The following EPCIP variants were observed in gnomAD, a reference collection of about 807,000 sequenced individuals.
EPCIP encodes exosomal polycystin-1-interacting protein.
the EPCIP span, among the ~76,000 whole-genome samples, chr21:32,800,219 G>A: frequency 3.9e-5 from 6 of 152,156 alleles, no homozygotes; most frequent in Non-Finnish European, 5.9e-5. Context: ...AACAGAACTA[G>A]TCAAGTTTGA....
chr21:32,794,221 C>T, the EPCIP span: 3 of 1,614,270 alleles, frequency 1.9e-6, no homozygotes, highest in African/African-American at 1.3e-5. Flanking sequence ...CTGCAAGGGG[C>T]AGGACGGTTT....
chr21:32,796,579 T>C, the EPCIP span, among the ~76,000 whole-genome samples: 1 of 152,198 alleles, frequency 6.6e-6, no homozygotes, highest in Non-Finnish European at 1.5e-5. Flanking sequence ...TCTTATTAAA[T>C]GTATTAATAG....
At chr21:32,796,313 C>G in the EPCIP span, among the ~76,000 whole-genome samples, 2 of 152,174 alleles carry the variant, frequency 1.3e-5, no homozygotes, top group African/African-American at 4.8e-5. Flanking sequence ...CAGGGCCCAG[C>G]CTGGGCTGTG....
chr21:32,812,165 C>T, the EPCIP span, among the ~76,000 whole-genome samples: 3 of 152,134 alleles, frequency 2.0e-5, no homozygotes, highest in African/African-American at 4.8e-5. Context: ...ATGTGGCTAC[C>T]GTACTTTTCT....
chr21:32,791,183 A>G, the EPCIP span: 1 of 152,206 alleles, frequency 6.6e-6, no homozygotes, highest in Non-Finnish European at 1.5e-5. Flanking sequence ...GCACAAACTG[A>G]ACCATATTTT....
the EPCIP span, among the ~76,000 whole-genome samples, chr21:32,806,440 C>T: frequency 1.3e-5 from 2 of 152,266 alleles, no homozygotes; most frequent in South Asian, 4.1e-4. Flanking sequence ...AGGCAAGACC[C>T]CTGGGGACTC....
the EPCIP span, chr21:32,797,399 C>T: frequency 5.7e-6 from 1 of 174,732 alleles, no homozygotes; most frequent in Non-Finnish European, 1.2e-5. Context: ...TAAGCACGCA[C>T]CATCATACCC....
the EPCIP span, among the ~76,000 whole-genome samples, chr21:32,804,579 T>C: frequency 6.6e-6 from 1 of 152,040 alleles, no homozygotes; most frequent in Non-Finnish European, 1.5e-5. Flanking sequence ...TGTATTACCA[T>C]GCTCTGTGAG....
At chr21:32,812,955 G>A in the EPCIP span, among the ~76,000 whole-genome samples, 1 of 152,012 alleles carries the variant, frequency 6.6e-6, no homozygotes. Flanking sequence ...TTAAAAACAC[G>A]AACTATCCAA....
chr21:32,801,954 C>T, the EPCIP span, among the ~76,000 whole-genome samples: 1 of 152,042 alleles, frequency 6.6e-6, no homozygotes, highest in Non-Finnish European at 1.5e-5. Flanking sequence ...TTAGGAAGGG[C>T]GAGGCAGTGC....
the EPCIP span, among the ~76,000 whole-genome samples, chr21:32,793,253 G>A: frequency 5.9e-5 from 9 of 152,076 alleles, no homozygotes; most frequent in African/African-American, 1.9e-4. Flanking sequence ...CACTGTGCCC[G>A]ACCATTTTAT....
the EPCIP span, among the ~76,000 whole-genome samples, chr21:32,802,848 C>G: frequency 4.6e-5 from 7 of 152,200 alleles, no homozygotes; most frequent in South Asian, 1.2e-3. Context: ...GTGGCGCGAT[C>G]TCGGCTCACT....
chr21:32,793,535 GT>G, the EPCIP span: 3 of 596,914 alleles, frequency 5.0e-6, no homozygotes, highest in Admixed American at 6.0e-5. Flanking sequence ...AATCAAGTTG[GT>G]TTTTTGGTTT....
chr21:32,801,041 A>G, the EPCIP span, among the ~76,000 whole-genome samples: 1 of 152,282 alleles, frequency 6.6e-6, no homozygotes, highest in East Asian at 1.9e-4. Flanking sequence ...GTGAAGTGGT[A>G]CCATGTGATT....
At chr21:32,800,599 C>T in the EPCIP span, among the ~76,000 whole-genome samples, 23 of 152,218 alleles carry the variant, frequency 1.5e-4, no homozygotes, top group East Asian at 1.7e-3. Context: ...AGGTAGATCA[C>T]GAGGTCAGGA....
At chr21:32,809,282 T>TCC in the EPCIP span, among the ~76,000 whole-genome samples, 16 of 87,802 alleles carry the variant, frequency 1.8e-4, no homozygotes, top group Admixed American at 6.0e-4. Context: ...CCTCCTTCCT[T>TCC]TCTTTCTTTC....
chr21:32,791,951 C>T, the EPCIP span, among the ~76,000 whole-genome samples: 170 of 151,268 alleles, frequency 1.1e-3, no homozygotes, highest in African/African-American at 4.0e-3. Context: ...GTTGCCCAGG[C>T]TGGAGTGCAG....
the EPCIP span, among the ~76,000 whole-genome samples, chr21:32,807,066 C>T: frequency 6.6e-5 from 10 of 152,138 alleles, no homozygotes; most frequent in Admixed American, 3.9e-4. Context: ...AAACCACCCC[C>T]GTGATTCAAT....
the EPCIP span, among the ~76,000 whole-genome samples, chr21:32,805,832 C>T: frequency 6.6e-6 from 1 of 152,090 alleles, no homozygotes. Context: ...TAGCCTGGAT[C>T]ATTGGTAACT....
Sources: allele counts gnomAD v4.1 joint callset (sites outside exome capture counted in the v4.1 genomes callset), GRCh38; gene constraint gnomAD v4.1.1; transcripts MANE v1.5; gene names NCBI Gene and HGNC (gene_info 2026-07-23, HGNC 2026-07-21).